Variants in RPS6KC1 observed in about 807,000 individuals in gnomAD.
The protein encoded by RPS6KC1 is ribosomal protein S6 kinase C1.
In RPS6KC1, 54 loss-of-function variants were observed where a neutral mutation model predicts 103.8. That is an observed-to-expected ratio of 0.52 (90% confidence interval 0.42 to 0.65). The LOEUF (loss-of-function observed/expected upper bound fraction) is 0.65, where lower values mean the gene tolerates loss of function less well. Among genes scored for constraint, RPS6KC1 ranks in the 30% least tolerant of loss-of-function variants. The pLI is 0.00. For synonymous variants in RPS6KC1, 439 were observed against 438.7 expected, an observed-to-expected ratio of 1.00 and a Z score of -0.01; for missense variants, 1,151 against 1,253.8, an observed-to-expected ratio of 0.92 and a Z score of 1.24.
chr1:213,379,219 T>G, the RPS6KC1 span, among the ~76,000 whole-genome samples: 2 of 152,190 alleles, frequency 1.3e-5, no homozygotes, highest in Admixed American at 1.3e-4. Flanking sequence ...TCTCCCAAAT[T>G]CATATGATGA....
At chr1:213,083,758 T>C (rs1334587042) in intron 3 of RPS6KC1, among the ~76,000 whole-genome samples, 1 of 152,144 alleles carries the variant, frequency 6.6e-6, no homozygotes. Flanking sequence ...GGTCCCTGTC[T>C]CCTGGTGTTT....
intron 1 of RPS6KC1, among the ~76,000 whole-genome samples, chr1:213,067,009 G>A (rs1344032562): frequency 6.6e-6 from 1 of 152,152 alleles, no homozygotes; most frequent in Non-Finnish European, 1.5e-5. Flanking sequence ...ATTTGGAGAA[G>A]CGAATCAGAA....
chr1:213,369,609 G>A, the RPS6KC1 span, among the ~76,000 whole-genome samples: 1 of 152,224 alleles, frequency 6.6e-6, no homozygotes, highest in Non-Finnish European at 1.5e-5. Flanking sequence ...TCAGTGAAGT[G>A]GAATTTGATC....
the RPS6KC1 span, among the ~76,000 whole-genome samples, chr1:213,728,951 T>TG: frequency 7.5e-6 from 1 of 133,716 alleles, no homozygotes; most frequent in Non-Finnish European, 1.5e-5. Flanking sequence ...TTTTTTTGTT[T>TG]TTTTTTTTTT....
intron 6 of RPS6KC1, among the ~76,000 whole-genome samples, chr1:213,135,731 G>A (rs2086197936): frequency 1.3e-5 from 2 of 152,140 alleles, no homozygotes; most frequent in Non-Finnish European, 1.5e-5. Context: ...CTCCTCATCA[G>A]CATTCTGTTT....
the RPS6KC1 span, among the ~76,000 whole-genome samples, chr1:213,705,889 T>C: frequency 1.3e-5 from 2 of 152,192 alleles, no homozygotes; most frequent in South Asian, 2.1e-4. Context: ...TTCTAGAAGC[T>C]ACAGCCTAGA....
the RPS6KC1 span, among the ~76,000 whole-genome samples, chr1:213,430,778 AT>A: frequency 6.6e-6 from 1 of 152,236 alleles, no homozygotes; most frequent in Non-Finnish European, 1.5e-5. Flanking sequence ...AGCCACAAAG[AT>A]TCTCTGGAGT....
chr1:213,531,077 G>A, the RPS6KC1 span, among the ~76,000 whole-genome samples: 1 of 152,184 alleles, frequency 6.6e-6, no homozygotes, highest in Non-Finnish European at 1.5e-5. Context: ...CTGAGCTGAG[G>A]TGGGGATGGA....
At chr1:213,670,227 C>A in the RPS6KC1 span, among the ~76,000 whole-genome samples, 5 of 152,156 alleles carry the variant, frequency 3.3e-5, no homozygotes, top group East Asian at 9.7e-4. Flanking sequence ...CTCATCTGCC[C>A]TTAACAGTGG....
the RPS6KC1 span, among the ~76,000 whole-genome samples, chr1:213,389,709 G>C: frequency 6.6e-6 from 1 of 152,152 alleles, no homozygotes; most frequent in Non-Finnish European, 1.5e-5. Flanking sequence ...GAAGACGAAA[G>C]AGAAAATCTC....
At chr1:213,256,251 A>G (rs531395759) in intron 12 of RPS6KC1, among the ~76,000 whole-genome samples, 1 of 152,308 alleles carries the variant, frequency 6.6e-6, no homozygotes, top group African/African-American at 2.4e-5. Flanking sequence ...TGGGGAAGAA[A>G]TGAAGCAGGC....
At chr1:213,303,758 TA>T in the RPS6KC1 span, among the ~76,000 whole-genome samples, 1 of 152,176 alleles carries the variant, frequency 6.6e-6, no homozygotes, top group Non-Finnish European at 1.5e-5. Context: ...AAAGGTTTTA[TA>T]AATAATTTAA....
intron 1 of RPS6KC1, among the ~76,000 whole-genome samples, chr1:213,070,430 T>C (rs1290141843): frequency 6.6e-6 from 1 of 152,240 alleles, no homozygotes; most frequent in African/African-American, 2.4e-5. Flanking sequence ...ATTTTTAGTA[T>C]TGTTAAAATA....
the RPS6KC1 span, among the ~76,000 whole-genome samples, chr1:213,683,741 G>A: frequency 1.3e-5 from 2 of 152,026 alleles, no homozygotes; most frequent in Admixed American, 6.6e-5. Flanking sequence ...GGCCCGGCCC[G>A]TCCCAACTCC....
the RPS6KC1 span, among the ~76,000 whole-genome samples, chr1:213,682,658 A>G: frequency 6.6e-6 from 1 of 152,240 alleles, no homozygotes; most frequent in African/African-American, 2.4e-5. Flanking sequence ...TAATACAGTA[A>G]CTGGAAATTC....
the RPS6KC1 span, among the ~76,000 whole-genome samples, chr1:213,692,467 T>A: frequency 1.3e-5 from 2 of 152,034 alleles, no homozygotes; most frequent in Admixed American, 1.3e-4. Context: ...AGTGGGCAAT[T>A]TGAGAGATTC....
the RPS6KC1 span, among the ~76,000 whole-genome samples, chr1:213,783,774 C>A: frequency 8.2e-6 from 1 of 121,846 alleles, no homozygotes; most frequent in African/African-American, 3.0e-5. Context: ...ATACACAGTT[C>A]TGGGGATGAC....
Position 213,070,880 on chromosome 1 carries a change from G to T in RPS6KC1, c.106-126G>T, listed in dbSNP as rs549202610. 2.2e-5 allele frequency: 13 copies of T among 598,716 alleles called. No homozygotes were observed. In the African/African-American group the frequency reaches 2.6e-4, roughly 12 times the overall value. 37.1% of individuals were successfully genotyped at this position (598,716 alleles called of 1,614,324 possible). On this transcript the variant is annotated intron_variant, in intron 1 of 14. Transcript: ENST00000366960. ...TTATATAGCTGAGTTTTGGATAAAT[G>T]ATATAGTGTTTATTTTTTTAAGCAA...
At chr1:213,778,814 C>T in the RPS6KC1 span, among the ~76,000 whole-genome samples, 1 of 152,092 alleles carries the variant, frequency 6.6e-6, no homozygotes, top group Non-Finnish European at 1.5e-5. Flanking sequence ...CCTAAACCCC[C>T]ATGCTCAGGA....
Sources: gnomAD v4.1 joint callset for allele counts (sites outside exome capture counted in the v4.1 genomes callset) on GRCh38, gnomAD v4.1.1 for gene constraint, MANE v1.5 for transcripts, NCBI Gene and HGNC (gene_info 2026-07-23, HGNC 2026-07-21) for gene names.